The following KCNH5 variants were observed in gnomAD, a reference collection of about 807,000 sequenced individuals.
KCNH5 encodes the protein voltage-gated delayed rectifier potassium channel KCNH5.
KCNH5 carries 46 observed loss-of-function variants against 96.1 expected under a neutral mutation model. The ratio of observed to expected loss-of-function variants is 0.48; its 90% CI spans 0.38 to 0.61. The LOEUF (loss-of-function observed/expected upper bound fraction) is 0.61, where lower values mean the gene tolerates loss of function less well. Among genes scored for constraint, KCNH5 ranks in the 20% least tolerant of loss-of-function variants. KCNH5 has a pLI of 0.00. For synonymous variants in KCNH5, 439 were observed against 449.8 expected (o/e 0.98, Z 0.30); for missense variants, 907 against 1,225.8 (o/e 0.74, Z 3.88).
chr14:62,750,980 A>C (rs1190850349), intron 10 of KCNH5, among the ~76,000 whole-genome samples: 6 of 152,036 alleles, frequency 3.9e-5, no homozygotes, highest in African/African-American at 1.4e-4. Context: ...AGACGGCTGG[A>C]GTAAACTTGC....
intron 10 of KCNH5, among the ~76,000 whole-genome samples, chr14:62,714,011 G>C (rs958890520): frequency 1.3e-5 from 2 of 152,138 alleles, no homozygotes; most frequent in African/African-American, 4.8e-5. Context: ...GGCTGGGCAT[G>C]GTGGTTCATG....
intron 10 of KCNH5, chr14:62,712,839 AGT>A: frequency 1.4e-6 from 1 of 692,076 alleles, no homozygotes; most frequent in Non-Finnish European, 2.7e-6. Flanking sequence ...AAGCAGAGCC[AGT>A]AGGCTTAAAC....
At chr14:62,807,590 T>C (rs1886793015) in intron 8 of KCNH5, among the ~76,000 whole-genome samples, 1 of 152,136 alleles carries the variant, frequency 6.6e-6, no homozygotes, top group African/African-American at 2.4e-5. Context: ...TTTTAAAAAT[T>C]GTTAAATTTA....
intron 3 of KCNH5, among the ~76,000 whole-genome samples, chr14:63,003,602 TTATATTTA>T (rs1891065866): frequency 8.1e-6 from 1 of 124,154 alleles, no homozygotes; most frequent in East Asian, 2.5e-4. Context: ...ATTTATATAT[TTATATTTA>T]TATATATATA....
intron 7 of KCNH5, among the ~76,000 whole-genome samples, chr14:62,915,688 T>C (rs1370357119): frequency 6.6e-6 from 1 of 152,220 alleles, no homozygotes. Flanking sequence ...AAGCTATTTA[T>C]GAAAGCACCA....
rs1890297841 is a variant in KCNH5, at chr14:62,965,980, T to TTTGCACTGGTTTCCATGATATAGACCTC, written c.942+14864_942+14891dup. On this transcript the variant is annotated intron_variant, in intron 6 of 10. Coordinates refer to ENST00000322893, the MANE Select transcript of KCNH5 (RefSeq NM_139318.5). ...ATCTGTAATCTATGGTAAAATAATT[T>TTTGCACTGGTTTCCATGATATAGACCTC]TTGCACTGGTTTCCATGATATAGAC... Among the ~76,000 whole-genome samples the TTTGCACTGGTTTCCATGATATAGACCTC allele has an allele frequency of 2.0e-5, 3 of 152,138 alleles. No individual in the cohort carries two copies. In the South Asian group the frequency reaches 6.2e-4, roughly 32 times the overall value.
At position 62,973,044 on chromosome 14, in the gene KCNH5, T is replaced by C. The variant is rs377506084; in HGVS notation, c.942+7828A>G. Among the ~76,000 whole-genome samples the C allele has an allele frequency of 4.5e-4, 68 of 152,328 alleles. 5 individuals are homozygous for C. The South Asian group carries it at 5.4e-3, about 12-fold the overall frequency. ...TGATGTATTCAAGTAGGTTCATCAA[T>C]TGTAACAGATGTACCACTCTGGTGT... is the stretch of plus-strand genomic sequence containing the variant. On this transcript the variant is annotated intron_variant, in intron 6 of 10. Transcript: ENST00000322893.
intron 10 of KCNH5, among the ~76,000 whole-genome samples, chr14:62,724,412 T>C (rs971102898): frequency 1.3e-5 from 2 of 152,204 alleles, no homozygotes; most frequent in African/African-American, 2.4e-5. Flanking sequence ...GGTCAGTACC[T>C]GAAGCTTCAA....
chr14:62,750,320 A>G (rs932671978), intron 10 of KCNH5, among the ~76,000 whole-genome samples: 2 of 152,208 alleles, frequency 1.3e-5, no homozygotes, highest in African/African-American at 4.8e-5. Flanking sequence ...GAGTCATGCA[A>G]CTACTTAACT....
intron 8 of KCNH5, among the ~76,000 whole-genome samples, chr14:62,829,340 A>G (rs1367084563): frequency 6.6e-6 from 1 of 152,154 alleles, no homozygotes; most frequent in African/African-American, 2.4e-5. Flanking sequence ...CTCCAACCCC[A>G]TATTTCACCT....
At chr14:62,745,973 C>T (rs999142980) in intron 10 of KCNH5, among the ~76,000 whole-genome samples, 6 of 152,252 alleles carry the variant, frequency 3.9e-5, no homozygotes, top group Admixed American at 3.9e-4. Context: ...CAGGCAGAGT[C>T]AACAGAAGAG....
At chr14:62,803,310 G>A (rs1383751730) in intron 8 of KCNH5, among the ~76,000 whole-genome samples, 3 of 152,232 alleles carry the variant, frequency 2.0e-5, no homozygotes, top group East Asian at 1.9e-4. Flanking sequence ...TTCCACATTG[G>A]AGGTGGATTC....
chr14:62,791,258 GT>G (rs1886427828), intron 9 of KCNH5, among the ~76,000 whole-genome samples: 1 of 151,706 alleles, frequency 6.6e-6, no homozygotes, highest in African/African-American at 2.4e-5. Context: ...TATAGTAGCA[GT>G]ATGTAAATCT....
At chr14:62,972,745 A>G (rs908468310) in intron 6 of KCNH5, among the ~76,000 whole-genome samples, 1 of 152,358 alleles carries the variant, frequency 6.6e-6, no homozygotes, top group Middle Eastern at 3.4e-3. Context: ...ACTAAGAGAA[A>G]GAAGCCAATA....
At chr14:62,958,276 A>C (rs1890144096) in intron 6 of KCNH5, among the ~76,000 whole-genome samples, 1 of 152,210 alleles carries the variant, frequency 6.6e-6, no homozygotes, top group African/African-American at 2.4e-5. Flanking sequence ...ATTACTTCAT[A>C]AATCTTATAA....
intron 10 of KCNH5, among the ~76,000 whole-genome samples, chr14:62,735,556 A>C (rs970161379): frequency 1.3e-5 from 2 of 152,198 alleles, no homozygotes; most frequent in African/African-American, 2.4e-5. Context: ...AAAAATAATC[A>C]TATCTAGTAC....
chr14:62,901,082 C>T (rs1277095867), intron 7 of KCNH5, among the ~76,000 whole-genome samples: 1 of 151,994 alleles, frequency 6.6e-6, no homozygotes, highest in South Asian at 2.1e-4. Context: ...TCCGCCTCCC[C>T]GGTTCAAGCA....
intron 6 of KCNH5, among the ~76,000 whole-genome samples, chr14:62,957,921 A>G (rs1451452563): frequency 6.6e-6 from 1 of 152,228 alleles, no homozygotes; most frequent in Non-Finnish European, 1.5e-5. Flanking sequence ...TCATGAGTTG[A>G]ATAAATTATG....
At position 62,830,497 on chromosome 14, in the gene KCNH5, G is replaced by T. The variant is rs374468253; in HGVS notation, c.1569+19156C>A. Among the ~76,000 whole-genome samples, 11 of 152,322 alleles carry T rather than the reference G, an allele frequency of 7.2e-5. No individual in the cohort carries two copies. In the East Asian group the frequency reaches 1.7e-3, roughly 24 times the overall value. ...GGAAACATACAGTCATGGCAAAGGG[G>T]AAGGTGAAGCAACGACCTTATTCAC... On this transcript the variant is annotated intron_variant, in intron 8 of 10. Coordinates refer to ENST00000322893, the MANE Select transcript of KCNH5 (RefSeq NM_139318.5).
Sources: gnomAD v4.1 joint callset for allele counts (sites outside exome capture counted in the v4.1 genomes callset) on GRCh38, gnomAD v4.1.1 for gene constraint, MANE v1.5 for transcripts, NCBI Gene and HGNC (gene_info 2026-07-23, HGNC 2026-07-21) for gene names.